Variants in IMMP2L observed in about 807,000 individuals in gnomAD.
IMMP2L encodes the protein inner mitochondrial membrane peptidase subunit 2, also known as mitochondrial inner membrane protease subunit 2.
In IMMP2L, 18 loss-of-function variants were observed where a neutral mutation model predicts 19.3. The observed-to-expected ratio is 0.93, with a 90% confidence interval of 0.64 to 1.38. The LOEUF (loss-of-function observed/expected upper bound fraction) is 1.38. Among genes scored for constraint, IMMP2L ranks in the 40% most tolerant of loss-of-function variants. IMMP2L has a pLI of 0.00. For missense variants in IMMP2L, 233 were observed against 218.2 expected (o/e 1.07, Z -0.43); for synonymous variants, 76 against 73.0 (o/e 1.04, Z -0.21).
intron 4 of IMMP2L, among the ~76,000 whole-genome samples, chr7:110,942,800 A>G (rs569453575): frequency 2.0e-5 from 3 of 152,068 alleles, no homozygotes; most frequent in African/African-American, 7.2e-5. Flanking sequence ...AATACTATAA[A>G]AACACTATAC....
intron 5 of IMMP2L, among the ~76,000 whole-genome samples, chr7:110,778,165 C>G (rs1012273433): frequency 6.6e-6 from 1 of 151,704 alleles, no homozygotes; most frequent in African/African-American, 2.4e-5. Flanking sequence ...ATCTAATGGA[C>G]AGAGAGTCTA....
intron 3 of IMMP2L, among the ~76,000 whole-genome samples, chr7:111,232,921 AC>A (rs1813872423): frequency 1.3e-5 from 2 of 152,004 alleles, no homozygotes; most frequent in African/African-American, 4.8e-5. Flanking sequence ...GAAAGGAGTT[AC>A]CTTCCTCCTC....
At chr7:110,744,517 G>A (rs898754073) in intron 5 of IMMP2L, among the ~76,000 whole-genome samples, 1 of 152,192 alleles carries the variant, frequency 6.6e-6, no homozygotes, top group African/African-American at 2.4e-5. Context: ...GCATCTGGTG[G>A]GTGCCCCTCC....
chr7:111,276,516 G>A (rs1032104583), intron 3 of IMMP2L, among the ~76,000 whole-genome samples: 10 of 151,772 alleles, frequency 6.6e-5, no homozygotes, highest in African/African-American at 1.9e-4. Flanking sequence ...GTTCCAAGAG[G>A]ATTGGTATTA....
At chr7:110,782,058 G>A (rs181255535) in intron 5 of IMMP2L, among the ~76,000 whole-genome samples, 1 of 151,894 alleles carries the variant, frequency 6.6e-6, no homozygotes, top group Non-Finnish European at 1.5e-5. Flanking sequence ...TAATTTAGCC[G>A]CTAGCCGAGT....
chr7:110,959,110 G>T (rs1391752387), intron 4 of IMMP2L, among the ~76,000 whole-genome samples: 46 of 150,992 alleles, frequency 3.0e-4, no homozygotes, highest in Non-Finnish European at 1.5e-5. Flanking sequence ...CCTTCAAGGG[G>T]TCTAACCTCA....
chr7:111,507,325 A>G (rs1845014767), intron 2 of IMMP2L, among the ~76,000 whole-genome samples: 1 of 152,142 alleles, frequency 6.6e-6, no homozygotes, highest in African/African-American at 2.4e-5. Flanking sequence ...CTCTCTTCCC[A>G]TATCTTATAT....
At chr7:111,507,905 T>G (rs932190829) in intron 2 of IMMP2L, among the ~76,000 whole-genome samples, 1 of 152,144 alleles carries the variant, frequency 6.6e-6, no homozygotes, top group Non-Finnish European at 1.5e-5. Context: ...AGTTTTTACA[T>G]GTACCCAGCT....
At chr7:111,007,652 C>T (rs1371177354) in intron 3 of IMMP2L, among the ~76,000 whole-genome samples, 5 of 152,014 alleles carry the variant, frequency 3.3e-5, no homozygotes, top group South Asian at 2.1e-4. Context: ...CTGACGTGTA[C>T]GTATGTACAC....
At chr7:111,180,422 C>T (rs1204552911) in intron 3 of IMMP2L, among the ~76,000 whole-genome samples, 1 of 151,982 alleles carries the variant, frequency 6.6e-6, no homozygotes, top group Non-Finnish European at 1.5e-5. Context: ...GTCAGAACCA[C>T]ACATTTGTCA....
chr7:110,703,666 T>C (rs537948137), intron 5 of IMMP2L, among the ~76,000 whole-genome samples: 2 of 152,282 alleles, frequency 1.3e-5, no homozygotes, highest in East Asian at 3.9e-4. Context: ...CACAGTATCA[T>C]TGGAAGCAGA....
rs959477218 is a variant in IMMP2L at position 111,282,131 on chromosome 7, A to G, written c.239+205107T>C. Among the ~76,000 whole-genome samples the G allele has an allele frequency of 2.6e-5, 4 of 152,200 alleles. No homozygotes were observed. In the East Asian group the frequency reaches 5.8e-4, roughly 22 times the overall value. On this transcript the variant is annotated intron_variant, in intron 3 of 5. Transcript: ENST00000405709. ...AATAAAACATAGCCTCATAAAGCTTATAAGACTAATTGGCTATGATGGAAA... is the reference window on the plus strand; with the variant it reads ...AATAAAACATAGCCTCATAAAGCTTGTAAGACTAATTGGCTATGATGGAAA...
intron 3 of IMMP2L, among the ~76,000 whole-genome samples, chr7:111,016,874 TAA>T (rs1441632383): frequency 1.0e-4 from 9 of 90,052 alleles, no homozygotes; most frequent in African/African-American, 4.2e-4. Context: ...ATATTACATA[TAA>T]TATATATTAT....
intron 5 of IMMP2L, among the ~76,000 whole-genome samples, chr7:110,667,231 C>T (rs951980031): frequency 2.6e-5 from 4 of 152,020 alleles, no homozygotes; most frequent in African/African-American, 9.7e-5. Context: ...TAGAGGTAGG[C>T]TTATTTGTTT....
chr7:111,497,079 C>A (rs1432741316), intron 2 of IMMP2L, among the ~76,000 whole-genome samples: 1 of 152,088 alleles, frequency 6.6e-6, no homozygotes, highest in Non-Finnish European at 1.5e-5. Context: ...TTCAGAATTA[C>A]ACTAGGTTGT....
chr7:110,712,249 G>T (rs1290342724), intron 5 of IMMP2L, among the ~76,000 whole-genome samples: 1 of 124,102 alleles, frequency 8.1e-6, no homozygotes, highest in Non-Finnish European at 1.7e-5. Context: ...TCAGCTGCAG[G>T]TCTGTTGGAA....
chr7:110,727,233 C>T lies in IMMP2L; in HGVS notation c.409-63512G>A, dbSNP rs1262321818. ...TGAAACCACGTCTCTACTAAAAATA[C>T]AAAAAAATGTAGTTGGGCAGGGTGG... is the stretch of plus-strand genomic sequence containing the variant. On this transcript the variant is annotated intron_variant, in intron 5 of 5. Coordinates refer to ENST00000405709, the MANE Select transcript of IMMP2L (RefSeq NM_032549.4). The surrounding 1 kb of genome is among the most constrained non-coding windows in gnomAD (Gnocchi z 4.3). 4.0e-5 allele frequency among the ~76,000 whole-genome samples: 6 copies of T among 151,806 alleles called. No homozygotes were observed. The highest frequency in any genetic ancestry group is 8.8e-5 in the Non-Finnish European group (6 of 67,964).
intron 3 of IMMP2L, among the ~76,000 whole-genome samples, chr7:111,481,479 A>T (rs1313132869): frequency 6.6e-6 from 1 of 152,176 alleles, no homozygotes; most frequent in Non-Finnish European, 1.5e-5. Context: ...AAAACCGGGG[A>T]TAACAATACC....
At chr7:111,487,089 T>C in intron 3 of IMMP2L, 149 bp downstream of exon 3, 1 of 439,366 alleles carries the variant, frequency 2.3e-6, no homozygotes, top group Non-Finnish European at 4.0e-6. Context: ...ATTGTTACAC[T>C]GCAAAATTGA....
Sources: allele counts gnomAD v4.1 joint callset (sites outside exome capture counted in the v4.1 genomes callset), GRCh38; gene constraint gnomAD v4.1.1; non-coding constraint Gnocchi (gnomAD v3.1); transcripts MANE v1.5; gene names NCBI Gene and HGNC (gene_info 2026-07-23, HGNC 2026-07-21).